The following OPCML variants were observed in gnomAD, a reference collection of about 807,000 sequenced individuals.
OPCML encodes opioid binding protein/cell adhesion molecule like, also known as opioid-binding protein/cell adhesion molecule.
In OPCML, 13 loss-of-function variants were observed where a neutral mutation model predicts 37.8. The observed-to-expected ratio is 0.34, with a 90% CI of 0.22 to 0.55. The LOEUF (loss-of-function observed/expected upper bound fraction) is 0.55, where lower values mean the gene tolerates loss of function less well. Among genes scored for constraint, OPCML ranks in the 20% least tolerant of loss-of-function variants. OPCML has a pLI of 0.91. For missense variants in OPCML, 341 were observed against 435.6 expected (o/e 0.78, Z 1.93); for synonymous variants, 176 against 168.8 (o/e 1.04, Z -0.33).
intron 1 of OPCML, among the ~76,000 whole-genome samples, chr11:133,191,512 T>TGTGG (rs1555111899): frequency 6.6e-6 from 1 of 150,988 alleles, no homozygotes; most frequent in African/African-American, 2.5e-5. Context: ...TGGGTGTGTG[T>TGTGG]GTGTGTGTGT....
intron 4 of OPCML, among the ~76,000 whole-genome samples, chr11:132,528,548 C>A (rs146737800): frequency 1.4e-4 from 22 of 152,300 alleles, no homozygotes; most frequent in African/African-American, 5.3e-4. Flanking sequence ...CACAGTCATG[C>A]CCAAATGCAC....
chr11:132,599,694 A>AT (rs1288314894), intron 3 of OPCML, among the ~76,000 whole-genome samples: 3 of 152,020 alleles, frequency 2.0e-5, no homozygotes, highest in Non-Finnish European at 4.4e-5. Flanking sequence ...TGATTTGTAT[A>AT]TTTTTTACAT....
rs374997590 is a variant in OPCML at position 132,658,944 on chromosome 11, A to AT, written c.147-1626dup. The stretch of plus-strand genomic sequence containing the variant: ...CATACTCTAACATTCCAATGAAACT[A>AT]TTTTTTTTTATTTGACCACAGGCAT... On this transcript the variant is annotated intron_variant, in intron 2 of 7. Transcript: ENST00000524381. Among the ~76,000 whole-genome samples, 140 of 151,468 alleles carry AT rather than the reference A, an allele frequency of 9.2e-4. No homozygotes were observed. In the South Asian group the frequency reaches 0.016, roughly 18 times the overall value.
At chr11:132,795,379 C>T (rs1026776984) in intron 2 of OPCML, among the ~76,000 whole-genome samples, 9 of 152,120 alleles carry the variant, frequency 5.9e-5, no homozygotes, top group African/African-American at 1.9e-4. Context: ...ATAATTTACC[C>T]ATTCAAAGAG....
chr11:133,207,873 T>C (rs1206271135), intron 1 of OPCML, among the ~76,000 whole-genome samples: 1 of 152,144 alleles, frequency 6.6e-6, no homozygotes, highest in East Asian at 1.9e-4. Context: ...CTCCTCACAC[T>C]CTACTGTGGA....
At chr11:132,749,367 A>G (rs1945753940) in intron 2 of OPCML, among the ~76,000 whole-genome samples, 1 of 152,184 alleles carries the variant, frequency 6.6e-6, no homozygotes, top group Non-Finnish European at 1.5e-5. Context: ...TTTTGGCCTA[A>G]GCAACAAGAA....
chr11:133,329,952 T>A (rs994082778), intron 1 of OPCML, among the ~76,000 whole-genome samples: 1 of 152,138 alleles, frequency 6.6e-6, no homozygotes, highest in Non-Finnish European at 1.5e-5. Context: ...GACAAAGGGC[T>A]AATATCCAGA....
At chr11:132,540,194 G>C (rs1464914506) in intron 3 of OPCML, among the ~76,000 whole-genome samples, 1 of 152,132 alleles carries the variant, frequency 6.6e-6, no homozygotes, top group African/African-American at 2.4e-5. Flanking sequence ...AATAAACAGA[G>C]CTTGGTGAAT....
At chr11:132,985,543 G>A (rs1274729329) in intron 1 of OPCML, among the ~76,000 whole-genome samples, 1 of 152,136 alleles carries the variant, frequency 6.6e-6, no homozygotes, top group African/African-American at 2.4e-5. Context: ...CTTTCAAAGG[G>A]CTCTCACCTT....
chr11:132,433,044 G>GA (rs1362968766), intron 7 of OPCML, among the ~76,000 whole-genome samples: 2 of 152,290 alleles, frequency 1.3e-5, no homozygotes, highest in African/African-American at 4.8e-5. Flanking sequence ...TTCAGGAAGG[G>GA]ATGCTGAATG....
At chr11:132,669,262 C>T (rs986634344) in intron 2 of OPCML, among the ~76,000 whole-genome samples, 15 of 151,822 alleles carry the variant, frequency 9.9e-5, no homozygotes, top group Non-Finnish European at 4.4e-5. Flanking sequence ...AAGTCAGATG[C>T]CAACCATGTG....
At chr11:133,446,087 A>G (rs1300884203) in intron 1 of OPCML, among the ~76,000 whole-genome samples, 1 of 152,192 alleles carries the variant, frequency 6.6e-6, no homozygotes, top group African/African-American at 2.4e-5. Context: ...TTCTGCTAAT[A>G]AGATTCTCAT....
intron 1 of OPCML, among the ~76,000 whole-genome samples, chr11:133,344,225 G>A (rs948218617): frequency 2.5e-4 from 38 of 152,232 alleles, no homozygotes; most frequent in South Asian, 8.3e-4. Context: ...CGATCTGGCC[G>A]CCCCAGGTGG....
At chr11:132,981,783 C>G (rs1946589763) in intron 1 of OPCML, among the ~76,000 whole-genome samples, 1 of 152,140 alleles carries the variant, frequency 6.6e-6, no homozygotes, top group African/African-American at 2.4e-5. Flanking sequence ...ACTATGATAG[C>G]TGAGTCAGCT....
At chr11:132,957,267 A>T (rs7944873) in intron 1 of OPCML, among the ~76,000 whole-genome samples, 78,166 of 151,960 alleles carry the variant, frequency 0.51, 20,300 homozygotes, top group East Asian at 0.72. Flanking sequence ...CCTTCCTTCC[A>T]CCTCCAGGCA....
chr11:132,456,020 G>T (rs893959009), intron 4 of OPCML, among the ~76,000 whole-genome samples: 1 of 152,152 alleles, frequency 6.6e-6, no homozygotes, highest in Non-Finnish European at 1.5e-5. Context: ...TGGGGTTGGG[G>T]TAGAGGGGAG....
intron 2 of OPCML, among the ~76,000 whole-genome samples, chr11:132,901,562 T>C (rs1376950268): frequency 6.6e-6 from 1 of 152,186 alleles, no homozygotes; most frequent in Non-Finnish European, 1.5e-5. Flanking sequence ...GGATGTGATG[T>C]ACAATTAGCT....
rs376861540 is a variant in OPCML at position 133,106,095 on chromosome 11, A to G, written c.62-163085T>C. Among the ~76,000 whole-genome samples the G allele has an allele frequency of 5.9e-5, 9 of 152,354 alleles. No individual in the cohort carries two copies. The East Asian group carries it at 1.5e-3, about 26-fold the overall frequency. Reference sequence around the variant, plus strand: ...TCTAGATCCACTACAGATCTGGCCAAACTGAACTATTATAATGTTTTAAAA... The same window carrying G: ...TCTAGATCCACTACAGATCTGGCCAGACTGAACTATTATAATGTTTTAAAA... On this transcript the variant is annotated intron_variant, in intron 1 of 7. Transcript: ENST00000524381.
intron 1 of OPCML, among the ~76,000 whole-genome samples, chr11:133,494,198 G>A (rs7125532): frequency 3.2e-4 from 48 of 151,864 alleles, no homozygotes; most frequent in African/African-American, 8.9e-4. Flanking sequence ...TTAGAATGGC[G>A]ATCATTAAAA....
Sources: allele counts gnomAD v4.1 joint callset (sites outside exome capture counted in the v4.1 genomes callset), GRCh38; gene constraint gnomAD v4.1.1; transcripts MANE v1.5; gene names NCBI Gene and HGNC (gene_info 2026-07-23, HGNC 2026-07-21).